PARP16: variants seen among roughly 807,000 people sequenced by gnomAD.
PARP16 encodes protein mono-ADP-ribosyltransferase PARP16.
PARP16 carries 31 observed loss-of-function variants against 35.0 expected under a neutral mutation model. The ratio of observed to expected loss-of-function variants is 0.88; its 90% confidence interval spans 0.66 to 1.19. PARP16 has a LOEUF of 1.19. Among genes scored for constraint, PARP16 ranks in the 50% most tolerant of loss-of-function variants. The pLI, the probability that PARP16 is intolerant of heterozygous loss-of-function variation, is 0.00. For missense variants in PARP16, 424 were observed against 411.2 expected, an observed-to-expected ratio of 1.03 and a Z score of -0.27; for synonymous variants, 162 against 169.5, an observed-to-expected ratio of 0.96 and a Z score of 0.34.
At position 65,239,424 on chromosome 15, in the gene PARP16, T is replaced by TAAAAAAA. The variant is rs758350761; in HGVS notation, c.*98-4608_*98-4602dup. Among the ~76,000 whole-genome samples, 32 of 6,950 alleles carry TAAAAAAA rather than the reference T, an allele frequency of 4.6e-3. 3 individuals are homozygous for TAAAAAAA. Among genetic ancestry groups the TAAAAAAA allele is most frequent in the South Asian group, 0.041 (3 of 74 alleles). 4.6% of individuals were successfully genotyped at this position (6,950 alleles called of 152,430 possible). ...CCTGGCAACAGAGCAAGACTTTGCC[T>TAAAAAAA]AAAAAAAAAAAAAAAAAAAAAAAAA... On this transcript the variant is annotated intron_variant and NMD_transcript_variant, in intron 3 of 3. Transcript: ENST00000559805.
chr15:65,259,990 G>A (rs1056615218), intron 5 of PARP16, among the ~76,000 whole-genome samples: 5 of 152,160 alleles, frequency 3.3e-5, no homozygotes, highest in Non-Finnish European at 7.3e-5. Flanking sequence ...CCACCCAAGT[G>A]TGCACTAAAG....
At chr15:65,251,349 T>C (rs1027424670) in intron 2 of PARP16, among the ~76,000 whole-genome samples, 17 of 152,118 alleles carry the variant, frequency 1.1e-4, no homozygotes, top group Admixed American at 2.0e-4. Flanking sequence ...TGGCAAAGGC[T>C]ATCAGTTAAG....
chr15:65,263,434 G>A lies in PARP16; in HGVS notation c.520-114C>T, dbSNP rs149982630. On this transcript the variant is annotated intron_variant, in intron 3 of 5. Transcript: ENST00000649807. Reference sequence around the variant, plus strand: ...TGTAAACACAAAATGTACAACCCCCGCTTTTTGCCCCAGCAAGACACAGGA... The same window carrying A: ...TGTAAACACAAAATGTACAACCCCCACTTTTTGCCCCAGCAAGACACAGGA... 161 of 783,872 alleles carry A rather than the reference G, an allele frequency of 2.1e-4. 2 individuals carry two copies. The East Asian group carries it at 2.9e-3, about 14-fold the overall frequency. The allele number at this position is 783,872 out of a possible 1,614,324, so 48.6% of individuals were successfully genotyped here.
intron 3 of PARP16, among the ~76,000 whole-genome samples, chr15:65,266,292 A>G (rs2089888530): frequency 6.6e-6 from 1 of 152,182 alleles, no homozygotes; most frequent in Non-Finnish European, 1.5e-5. Flanking sequence ...ACGCTTTTCA[A>G]ACTATAACCA....
chr15:65,234,095 C>T (rs1595971574), downstream of PARP16, among the ~76,000 whole-genome samples: 2 of 152,202 alleles, frequency 1.3e-5, no homozygotes, highest in African/African-American at 4.8e-5. Flanking sequence ...GCTTGGATAA[C>T]TTCTCCTCGG....
intron 3 of PARP16, among the ~76,000 whole-genome samples, chr15:65,246,884 G>A (rs140617305): frequency 9.2e-5 from 14 of 152,254 alleles, no homozygotes; most frequent in Non-Finnish European, 1.3e-4. Context: ...ATTTGTCAAC[G>A]TGTCTACTGA....
Position 65,260,937 on chromosome 15 carries a change from G to C in PARP16, c.781C>G (p.Gln261Glu). ...AGGAGGTACTTCACTCGCAGCAGCT[G>C]GTTATTGGTGACCACGAAGTACTTG... ...PPKYFVVTNN[Q>E]LLRVKYLLVY... Residue 261 changes from glutamine to glutamate, a missense_variant, in exon 5 of 6, where the codon CAG (glutamine) becomes GAG (glutamate). Coordinates refer to ENST00000649807, the MANE Select transcript of PARP16 (RefSeq NM_001316943.2). 6.2e-7 allele frequency: 1 copy of C among 1,613,952 alleles called. No homozygotes were observed. The highest frequency in any genetic ancestry group is 8.5e-7 in the Non-Finnish European group (1 of 1,179,896).
chr15:65,283,235 A>C (rs2090472970), intron 1 of PARP16, among the ~76,000 whole-genome samples: 1 of 152,032 alleles, frequency 6.6e-6, no homozygotes. Context: ...CCAGGAGTTC[A>C]AGACCAGTCT....
downstream of PARP16, among the ~76,000 whole-genome samples, chr15:65,233,169 T>A (rs919885593): frequency 1.3e-5 from 2 of 152,168 alleles, no homozygotes; most frequent in East Asian, 3.8e-4. Context: ...TTCCCAGCAC[T>A]TTGGGAGGCC....
chr15:65,269,202 TTC>T (rs1243033791), intron 2 of PARP16, among the ~76,000 whole-genome samples: 1 of 90,792 alleles, frequency 1.1e-5, no homozygotes, highest in Non-Finnish European at 2.5e-5. Flanking sequence ...CTTTCTTTCT[TTC>T]TTTTTTTTTT....
intron 3 of PARP16, among the ~76,000 whole-genome samples, chr15:65,240,239 G>A (rs1453091056): frequency 1.3e-5 from 2 of 151,230 alleles, no homozygotes; most frequent in African/African-American, 4.9e-5. Flanking sequence ...CCGGGTTCAC[G>A]CCATTCTGCT....
chr15:65,239,095 C>T (rs937115783), intron 3 of PARP16, among the ~76,000 whole-genome samples: 2 of 151,906 alleles, frequency 1.3e-5, no homozygotes, highest in Admixed American at 1.3e-4. Flanking sequence ...TGCACTACTG[C>T]ACAGCAGCCT....
chr15:65,284,125 G>A (rs1490696100), intron 1 of PARP16, among the ~76,000 whole-genome samples: 1 of 152,106 alleles, frequency 6.6e-6, no homozygotes, highest in African/African-American at 2.4e-5. Context: ...CGCTAAACAC[G>A]TGTTGATTCT....
intron 2 of PARP16, among the ~76,000 whole-genome samples, chr15:65,267,286 C>T (rs1235048365): frequency 6.6e-6 from 1 of 151,596 alleles, no homozygotes; most frequent in African/African-American, 2.4e-5. Context: ...CTACAGTAGG[C>T]TGAGAAGCAT....
rs183178058 is a variant in PARP16, at chr15:65,286,107, C to T, written c.174+146G>A. The stretch of plus-strand genomic sequence containing the variant: ...AGTGTTCTTAGCTCATGGAAACCTT[C>T]CCCAAGGCAAGGCAAGACCAAGCTG... On this transcript the variant is annotated intron_variant, in intron 1 of 5. Coordinates refer to ENST00000649807, the MANE Select transcript of PARP16 (RefSeq NM_001316943.2). 71 of 631,654 alleles carry T rather than the reference C, an allele frequency of 1.1e-4. No individual in the cohort carries two copies. The East Asian group carries it at 2.3e-3, about 20-fold the overall frequency. The allele number at this position is 631,654 out of a possible 1,614,324, so 39.1% of individuals were successfully genotyped here. A position where few individuals can be genotyped will look rare whatever the true frequency, so the allele number is the denominator to read the frequency against.
chr15:65,233,678 G>A (rs1239541432), downstream of PARP16, among the ~76,000 whole-genome samples: 1 of 151,374 alleles, frequency 6.6e-6, no homozygotes, highest in Non-Finnish European at 1.5e-5. Flanking sequence ...GGAGGTTGCA[G>A]TGAGCCGGGA....
downstream of PARP16, among the ~76,000 whole-genome samples, chr15:65,257,216 T>A (rs1274667750): frequency 6.6e-6 from 1 of 151,736 alleles, no homozygotes; most frequent in Non-Finnish European, 1.5e-5. Context: ...CAGGAGTTCA[T>A]GACCAGCCTG....
At chr15:65,286,229 A>G in intron 1 of PARP16, 24 bp downstream of exon 1, 1 of 1,524,520 alleles carries the variant, frequency 6.6e-7, no homozygotes, top group East Asian at 2.5e-5. Context: ...CGCAGTGGGC[A>G]GCGCCAGGAC....
intron 3 of PARP16, among the ~76,000 whole-genome samples, chr15:65,236,780 G>A (rs2088889034): frequency 6.6e-6 from 1 of 152,106 alleles, no homozygotes; most frequent in Admixed American, 6.6e-5. Flanking sequence ...AGACCATCCT[G>A]GCCAACATGG....
Sources: gnomAD v4.1 joint callset for allele counts (sites outside exome capture counted in the v4.1 genomes callset) on GRCh38, gnomAD v4.1.1 for gene constraint, MANE v1.5 for transcripts, NCBI Gene and HGNC (gene_info 2026-07-23, HGNC 2026-07-21) for gene names.